The following PLAAT2 variants were observed in gnomAD, a reference collection of about 807,000 sequenced individuals.
The protein encoded by PLAAT2 is HRAS like suppressor 2.
In PLAAT2, 12 loss-of-function variants were observed where a neutral mutation model predicts 12.8. The ratio of observed to expected loss-of-function variants is 0.94; its 90% confidence interval spans 0.60 to 1.52. The LOEUF (loss-of-function observed/expected upper bound fraction) is 1.52, where lower values mean the gene tolerates loss of function less well. Ranked by LOEUF, PLAAT2 falls within the 40% of genes most tolerant of loss-of-function variation. PLAAT2 has a pLI of 0.00. For synonymous variants in PLAAT2, 79 were observed against 86.8 expected, an observed-to-expected ratio of 0.91 and a Z score of 0.50; for missense variants, 166 against 208.1, an observed-to-expected ratio of 0.80 and a Z score of 1.24.
At chr11:63,560,227 A>T in intron 1 of PLAAT2, 34 bp from the exon 2 acceptor site, 1 of 1,520,280 alleles carries the variant, frequency 6.6e-7, no homozygotes, top group Non-Finnish European at 9.1e-7. Context: ...GGCAGAGGTG[A>T]GCCATCTGCA....
At chr11:63,560,945 A>G (rs184117176) in intron 1 of PLAAT2, among the ~76,000 whole-genome samples, 15 of 152,302 alleles carry the variant, frequency 9.8e-5, no homozygotes, top group Admixed American at 8.5e-4. Flanking sequence ...TGGAGGGTGC[A>G]TGGGTGCGAG....
Position 63,554,540 on chromosome 11 carries a change from A to G in PLAAT2, c.388-1475T>C, listed in dbSNP as rs140250621. 7.6e-3 allele frequency among the ~76,000 whole-genome samples: 1,154 copies of G among 151,684 alleles called. 15 individuals carry two copies. Among genetic ancestry groups the G allele is most frequent in the African/African-American group, 0.026 (1,080 of 41,368 alleles). ...CTACCTGGGAGGCTGAGGCAGGAGA[A>G]TTGCTTGAACCCAGGAGGCAGAGGT... On this transcript the variant is annotated intron_variant, in intron 3 of 3. Transcript: ENST00000255695.
At chr11:63,557,653 C>T (rs530806853) in intron 3 of PLAAT2, among the ~76,000 whole-genome samples, 6 of 152,278 alleles carry the variant, frequency 3.9e-5, no homozygotes, top group Non-Finnish European at 7.4e-5. Context: ...GGAAGACAGT[C>T]TCGCCTGTTC....
upstream of PLAAT2, among the ~76,000 whole-genome samples, chr11:63,564,901 G>A (rs1384703123): frequency 6.6e-6 from 1 of 152,152 alleles, no homozygotes; most frequent in African/African-American, 2.4e-5. Context: ...TCTCAGGTGG[G>A]TTGGCACAAT....
chr11:63,562,533 T>C (rs998359586), intron 1 of PLAAT2, among the ~76,000 whole-genome samples: 1 of 152,218 alleles, frequency 6.6e-6, no homozygotes, highest in Non-Finnish European at 1.5e-5. Context: ...ATTCTTTCTT[T>C]TTTAAGTCGA....
At chr11:63,560,279 G>T in intron 1 of PLAAT2, 86 bp from the exon 2 acceptor site, 2 of 918,942 alleles carry the variant, frequency 2.2e-6, no homozygotes, top group Non-Finnish European at 1.7e-6. Context: ...CCCCAGCTCA[G>T]CCTGCAGATT....
At chr11:63,558,315 CCCCA>C in intron 3 of PLAAT2, 73 bp downstream of exon 3, 4 of 1,529,862 alleles carry the variant, frequency 2.6e-6, no homozygotes, top group Non-Finnish European at 3.6e-6. Context: ...CCCACCCTGG[CCCCA>C]GCAGGGACCC....
In PLAAT2 at chr11:63,553,029, C is replaced by G; in HGVS notation, c.424G>C (p.Gly142Arg). 1.2e-6 allele frequency: 2 copies of G among 1,613,942 alleles called. No individual in the cohort carries two copies. The highest frequency in any genetic ancestry group is 1.7e-6 in the Non-Finnish European group (2 of 1,179,892). ...GAVTTVGVAA[G>R]LLAAASLVGI... is the part of the protein sequence containing the mutation. ...ACAAGGCTTGCGGCAGCCAGCAGGC[C>G]TGCTGCCACACCTACTGTCGTGACT... is the stretch of plus-strand genomic sequence containing the variant. Residue 142 changes from glycine to arginine, a missense_variant, in exon 4 of 4, where the codon GGC (glycine) becomes CGC (arginine). By Grantham distance (125) the Gly-to-Arg change is moderately radical (BLOSUM62 -2). Coordinates refer to ENST00000255695, the MANE Select transcript of PLAAT2 (RefSeq NM_017878.2).
intron 1 of PLAAT2, 21 bp from the exon 2 acceptor site, chr11:63,560,214 A>G (rs771904778): frequency 3.1e-6 from 5 of 1,591,242 alleles, no homozygotes; most frequent in Non-Finnish European, 4.3e-6. Flanking sequence ...AAAACCAGAA[A>G]CAGGCAGAGG....
intron 1 of PLAAT2, among the ~76,000 whole-genome samples, chr11:63,562,256 T>C (rs1047748447): frequency 6.6e-6 from 1 of 152,134 alleles, no homozygotes; most frequent in African/African-American, 2.4e-5. Context: ...GGCTTTTGGC[T>C]TTTTTTGAGA....
Position 63,563,371 on chromosome 11 carries a change from C to A in PLAAT2, c.-47G>T, listed in dbSNP as rs958565101. 8 of 1,613,246 alleles carry A rather than the reference C, an allele frequency of 5.0e-6. No individual in the cohort carries two copies. Among genetic ancestry groups the A allele is most frequent in the Non-Finnish European group, 6.8e-6 (8 of 1,179,380 alleles). Reference sequence around the variant, plus strand: ...TGTGTGTTGCTGACTCTGTGTCCAGCCTTAAATTAGCTCTGAGTTTCACTT... The same window carrying A: ...TGTGTGTTGCTGACTCTGTGTCCAGACTTAAATTAGCTCTGAGTTTCACTT... On this transcript the variant is annotated 5_prime_UTR_variant, in exon 1 of 4. Transcript: ENST00000255695.
chr11:63,553,209 G>A (rs996451517), intron 3 of PLAAT2, 144 bp from the exon 4 acceptor site: 1 of 596,058 alleles, frequency 1.7e-6, no homozygotes, highest in Non-Finnish European at 2.9e-6. Flanking sequence ...GGCTGGGAGA[G>A]GGGATGCCAA....
intron 3 of PLAAT2, among the ~76,000 whole-genome samples, chr11:63,554,638 G>GAA (rs577431247): frequency 1.7e-5 from 2 of 118,366 alleles, no homozygotes; most frequent in East Asian, 2.5e-4. Flanking sequence ...AAAAAAAAAA[G>GAA]AAAAAAAAAA....
chr11:63,563,621 A>T (rs2017538300), upstream of PLAAT2, among the ~76,000 whole-genome samples: 1 of 1,224 alleles, frequency 8.2e-4, no homozygotes, highest in Non-Finnish European at 0.013. Flanking sequence ...CCAGAGGCCG[A>T]GGCAGGAAAT....
upstream of PLAAT2, among the ~76,000 whole-genome samples, chr11:63,564,744 C>T (rs1485188241): frequency 6.6e-6 from 1 of 152,146 alleles, no homozygotes; most frequent in Non-Finnish European, 1.5e-5. Flanking sequence ...CTGGGCCGGT[C>T]CCACTCAGGC....
upstream of PLAAT2, among the ~76,000 whole-genome samples, chr11:63,564,469 C>T (rs1177580681): frequency 6.6e-6 from 1 of 152,146 alleles, no homozygotes; most frequent in Non-Finnish European, 1.5e-5. Flanking sequence ...AACAAACAAA[C>T]AAACAAAGAG....
intron 3 of PLAAT2, among the ~76,000 whole-genome samples, chr11:63,557,845 C>G (rs796475567): frequency 6.6e-6 from 1 of 152,208 alleles, no homozygotes; most frequent in Admixed American, 6.5e-5. Context: ...TGCCTACACT[C>G]CTTATTGCCC....
chr11:63,554,901 A>G (rs1271105420), intron 3 of PLAAT2, among the ~76,000 whole-genome samples: 2 of 152,250 alleles, frequency 1.3e-5, no homozygotes, highest in Non-Finnish European at 2.9e-5. Flanking sequence ...ACAAAGCCAG[A>G]CATAACTTAA....
At chr11:63,559,159 C>G (rs568923089) in intron 2 of PLAAT2, among the ~76,000 whole-genome samples, 1 of 152,304 alleles carries the variant, frequency 6.6e-6, no homozygotes, top group African/African-American at 2.4e-5. Context: ...AAAAAAGTAG[C>G]TGGGCATGGC....
Sources: gnomAD v4.1 joint callset for allele counts (sites outside exome capture counted in the v4.1 genomes callset) on GRCh38, gnomAD v4.1.1 for gene constraint, MANE v1.5 for transcripts, NCBI Gene and HGNC (gene_info 2026-07-23, HGNC 2026-07-21) for gene names.